PGS1: variants seen among roughly 807,000 people sequenced by gnomAD.
The protein encoded by PGS1 is CDP-diacylglycerol--glycerol-3-phosphate 3-phosphatidyltransferase, mitochondrial.
A neutral mutation model predicts 58.3 loss-of-function variants in PGS1; 44 were observed. The ratio of observed to expected loss-of-function variants is 0.75; its 90% CI spans 0.59 to 0.97. The LOEUF is 0.97. PGS1 is among the 50% of genes least tolerant of loss of function. The pLI is 0.00. For missense variants in PGS1, 684 were observed against 731.1 expected (o/e 0.94, Z 0.74); for synonymous variants, 330 against 311.0 (o/e 1.06, Z -0.64).
chr17:78,388,506 T>A (rs535784596), intron 1 of PGS1, among the ~76,000 whole-genome samples: 220 of 152,018 alleles, frequency 1.4e-3, no homozygotes, highest in African/African-American at 2.4e-3. Flanking sequence ...GCTAATTTTT[T>A]TTTTTTATTT....
intron 9 of PGS1, chr17:78,423,608 T>C (rs557595971): frequency 2.7e-6 from 1 of 370,336 alleles, no homozygotes. Flanking sequence ...CTGGAATGCT[T>C]GCCTCTGGCT....
At chr17:78,406,105 A>G (rs982446633) in intron 7 of PGS1, among the ~76,000 whole-genome samples, 1 of 152,170 alleles carries the variant, frequency 6.6e-6, no homozygotes, top group Non-Finnish European at 1.5e-5. Flanking sequence ...TCATGAGGTC[A>G]GGAGATCCAG....
intron 6 of PGS1, among the ~76,000 whole-genome samples, chr17:78,401,961 G>A (rs2083703991): frequency 6.6e-6 from 1 of 152,220 alleles, no homozygotes; most frequent in African/African-American, 2.4e-5. Context: ...AGGCCAGGAT[G>A]AGAGCCAGCA....
chr17:78,382,719 T>TGCAA (rs2082122069), intron 1 of PGS1: 1 of 138,236 alleles, frequency 7.2e-6, no homozygotes, highest in African/African-American at 2.8e-5. Flanking sequence ...CTCGGCTCAC[T>TGCAA]GCAAGCTCCG....
At chr17:78,392,088 A>G (rs767679947) in intron 1 of PGS1, among the ~76,000 whole-genome samples, 3 of 152,158 alleles carry the variant, frequency 2.0e-5, no homozygotes, top group Non-Finnish European at 2.9e-5. Context: ...CTGCAGGCAA[A>G]TATTTTTGAG....
intron 1 of PGS1, among the ~76,000 whole-genome samples, chr17:78,387,249 CTG>C (rs1463528633): frequency 2.6e-5 from 4 of 151,736 alleles, no homozygotes; most frequent in African/African-American, 9.7e-5. Flanking sequence ...GGTGATCTGA[CTG>C]TGCAGGCCTA....
Position 78,424,218 on chromosome 17 carries a change from AG to A in PGS1, c.*171del. The A allele has an allele frequency of 6.5e-7, 1 of 1,544,362 alleles. No homozygotes were observed. Among genetic ancestry groups the A allele is most frequent in the South Asian group, 1.2e-5 (1 of 81,938 alleles). ...GTAAGTGAGGGAGGGGCTGGCAGGA[AG>A]GGTGGGGTCCTCACACTCCCCGCCC... On this transcript the variant is annotated 3_prime_UTR_variant, in exon 10 of 10. Coordinates refer to ENST00000262764, the MANE Select transcript of PGS1 (RefSeq NM_024419.5).
chr17:78,407,308 G>C (rs1041524824), intron 7 of PGS1, among the ~76,000 whole-genome samples: 1 of 152,166 alleles, frequency 6.6e-6, no homozygotes, highest in Non-Finnish European at 1.5e-5. Context: ...AGTGAGAGGC[G>C]AGGGTCCTTC....
At chr17:78,410,247 G>A (rs1423802561) in intron 7 of PGS1, among the ~76,000 whole-genome samples, 1 of 152,018 alleles carries the variant, frequency 6.6e-6, no homozygotes, top group Non-Finnish European at 1.5e-5. Context: ...TGGCCAACAT[G>A]GTGAAACCCC....
intron 1 of PGS1, among the ~76,000 whole-genome samples, chr17:78,379,300 A>T (rs2081862647): frequency 6.6e-6 from 1 of 152,110 alleles, no homozygotes; most frequent in Admixed American, 6.5e-5. Context: ...CGTTTCTCAC[A>T]TCCTGCCAGA....
At chr17:78,419,778 T>C (rs1425603907) in intron 9 of PGS1, 103 bp downstream of exon 9, 4 of 1,561,912 alleles carry the variant, frequency 2.6e-6, no homozygotes, top group Non-Finnish European at 2.6e-6. Flanking sequence ...GGCTCTTTGA[T>C]CCCTTTCTCA....
intron 2 of PGS1, among the ~76,000 whole-genome samples, chr17:78,393,486 CAG>C (rs752898523): frequency 2.0e-5 from 3 of 152,164 alleles, no homozygotes; most frequent in African/African-American, 4.8e-5. Flanking sequence ...CTAAAGGTGA[CAG>C]GGGAGGAGGG....
chr17:78,379,673 A>G (rs1378726509), intron 1 of PGS1, among the ~76,000 whole-genome samples: 1 of 151,772 alleles, frequency 6.6e-6, no homozygotes, highest in African/African-American at 2.4e-5. Flanking sequence ...AAAATACAAA[A>G]TTAGCTGGGC....
In PGS1 at chr17:78,403,935, T is replaced by C. The variant is rs2083899472; in HGVS notation, c.1248T>C (p.Asn416=). 5 of 1,614,088 alleles carry C rather than the reference T, an allele frequency of 3.1e-6. No homozygotes were observed. Among genetic ancestry groups the C allele is most frequent in the African/African-American group, 1.3e-5 (1 of 74,944 alleles). The change falls in exon 7 of 10, where the codon AAT becomes AAC. Residue 416 remains asparagine (N), a synonymous_variant. Transcript: ENST00000262764. ...YQILLASPEV[N]GFFGAKGVAG... The stretch of plus-strand genomic sequence containing the variant: ...TCCTGCTGGCCTCACCAGAGGTGAA[T>C]GGCTTCTTTGGGGCCAAGGGGGTGG...
At chr17:78,408,410 G>A (rs1392451956) in intron 7 of PGS1, among the ~76,000 whole-genome samples, 2 of 152,320 alleles carry the variant, frequency 1.3e-5, no homozygotes, top group East Asian at 3.9e-4. Context: ...TTCCTGTGCA[G>A]TCGGGGGGAT....
chr17:78,419,510 G>T lies in PGS1; in HGVS notation c.1552-36G>T, dbSNP rs199550026. The T allele has an allele frequency of 5.7e-6, 9 of 1,582,656 alleles. No homozygotes were observed. The South Asian group carries it at 1.0e-4, about 18-fold the overall frequency. On this transcript the variant is annotated intron_variant, in intron 8 of 9. Coordinates refer to ENST00000262764, the MANE Select transcript of PGS1 (RefSeq NM_024419.5). ...GGCCATGTGGTGTGGTGCTGGAGGG[G>T]ACTCCTCACTATTCCTGTCTGTTCC...
intron 7 of PGS1, among the ~76,000 whole-genome samples, chr17:78,407,582 A>G (rs1440372416): frequency 1.3e-5 from 2 of 152,194 alleles, no homozygotes; most frequent in African/African-American, 2.4e-5. Context: ...GCCGGTGGCT[A>G]TGCACTGATA....
intron 9 of PGS1, chr17:78,420,063 A>G (rs1262535384): frequency 4.7e-6 from 5 of 1,065,940 alleles, no homozygotes; most frequent in Non-Finnish European, 4.6e-6. Context: ...CAGGAGATGT[A>G]GACGTGGGAG....
Position 78,400,532 on chromosome 17 carries a change from T to G in PGS1, c.702-145T>G. The G allele has an allele frequency of 1.4e-6, 1 of 692,996 alleles. No homozygotes were observed. Among genetic ancestry groups the G allele is most frequent in the East Asian group, 2.6e-5 (1 of 38,312 alleles). The allele number at this position is 692,996 out of a possible 1,614,324, so 42.9% of individuals were successfully genotyped here. ...ACTCTGGCTTTGTCTTTTGCACGTG[T>G]TCATTGCTGAGTAGCTATTTGTTAA... On this transcript the variant is annotated intron_variant, in intron 5 of 9. Coordinates refer to ENST00000262764, the MANE Select transcript of PGS1 (RefSeq NM_024419.5). The surrounding 1 kb of genome is among the most constrained non-coding windows in gnomAD (Gnocchi z 4.4).
Sources: gnomAD v4.1 joint callset for allele counts (sites outside exome capture counted in the v4.1 genomes callset) on GRCh38, gnomAD v4.1.1 for gene constraint, Gnocchi (gnomAD v3.1) non-coding constraint, MANE v1.5 for transcripts, NCBI Gene and HGNC (gene_info 2026-07-23, HGNC 2026-07-21) for gene names.